The following STK38 variants were observed in gnomAD, a reference collection of about 807,000 sequenced individuals.
The protein encoded by STK38 is serine/threonine kinase 38, also known as serine/threonine-protein kinase 38.
STK38 carries 26 observed loss-of-function variants against 59.0 expected under a neutral mutation model. The observed-to-expected ratio is 0.44, with a 90% CI of 0.32 to 0.61. STK38 has a LOEUF of 0.61. STK38 is among the 20% of genes least tolerant of loss of function. The pLI is 0.04. For synonymous variants in STK38, 175 were observed against 176.6 expected (o/e 0.99, Z 0.07); for missense variants, 433 against 566.0 (o/e 0.76, Z 2.38).
intron 9 of STK38, among the ~76,000 whole-genome samples, chr6:36,503,105 C>G (rs770786368): frequency 5.9e-5 from 9 of 152,152 alleles, no homozygotes; most frequent in Non-Finnish European, 1.0e-4. Flanking sequence ...TCTCCAGGGC[C>G]TATGACTAGG....
At chr6:36,529,092 C>A (rs539483614) in intron 2 of STK38, among the ~76,000 whole-genome samples, 5 of 152,200 alleles carry the variant, frequency 3.3e-5, no homozygotes, top group Non-Finnish European at 7.4e-5. Flanking sequence ...GCAAGGACAG[C>A]CTGAAATGAG....
chr6:36,506,238 GGTATTT>G (rs1200891860), intron 9 of STK38, among the ~76,000 whole-genome samples: 1 of 151,994 alleles, frequency 6.6e-6, no homozygotes, highest in African/African-American at 2.4e-5. Flanking sequence ...ACTCTAAGTA[GGTATTT>G]GTACTTAGTT....
At position 36,495,732 on chromosome 6, in the gene STK38, CA is replaced by C; in HGVS notation, c.*51del. 1 of 1,609,062 alleles carries C rather than the reference CA, an allele frequency of 6.2e-7. No individual in the cohort carries two copies. Among genetic ancestry groups the C allele is most frequent in the Non-Finnish European group, 8.5e-7 (1 of 1,176,790 alleles). On this transcript the variant is annotated 3_prime_UTR_variant, in exon 14 of 14. Transcript: ENST00000229812. ...CTCTTCAAGAGTGTGAGAGGAAAAGCATGATGTTATACAAAGAACTCTGCTC... is the reference window on the plus strand; with the variant it reads ...CTCTTCAAGAGTGTGAGAGGAAAAGCTGATGTTATACAAAGAACTCTGCTC...
chr6:36,498,315 T>C, intron 11 of STK38, 48 bp downstream of exon 11: 2 of 1,578,992 alleles, frequency 1.3e-6, no homozygotes, highest in Non-Finnish European at 1.7e-6. Flanking sequence ...AATGGAATCA[T>C]TCATATTAAA....
chr6:36,495,462 T>C lies in STK38; in HGVS notation c.*322A>G, dbSNP rs986970674. On this transcript the variant is annotated 3_prime_UTR_variant, in exon 14 of 14. Coordinates refer to ENST00000229812, the MANE Select transcript of STK38 (RefSeq NM_007271.4). ...ACACGACAATCTCAATAATGTTGGA[T>C]GATGGCTGTTTTTCCCCTTCATTCT... 3.6e-6 allele frequency: 1 copy of C among 280,056 alleles called. No individual in the cohort carries two copies. Among genetic ancestry groups the C allele is most frequent in the African/African-American group, 2.2e-5 (1 of 45,856 alleles). The allele number at this position is 280,056 out of a possible 1,614,324, so 17.3% of individuals were successfully genotyped here.
rs540978886 is a variant in STK38 at position 36,500,501 on chromosome 6, C to A, written c.835-511G>T. ...ATCTGGCCGGGAGTGGTGGTTCACG[C>A]CTGTAATCCCAGCACTTTGAGAGGC... On this transcript the variant is annotated intron_variant, in intron 9 of 13. Coordinates refer to ENST00000229812, the MANE Select transcript of STK38 (RefSeq NM_007271.4). Among the ~76,000 whole-genome samples the A allele has an allele frequency of 3.3e-5, 5 of 152,126 alleles. No individual in the cohort carries two copies. The South Asian group carries it at 8.3e-4, about 25-fold the overall frequency.
At chr6:36,507,627 G>A (rs1776999665) in intron 7 of STK38, 25 bp from the exon 8 acceptor site, 1 of 1,548,342 alleles carries the variant, frequency 6.5e-7, no homozygotes, top group African/African-American at 1.4e-5. Context: ...CAAGGTGATA[G>A]ATGGATGAGT....
chr6:36,542,176 C>T (rs372963935), intron 1 of STK38, among the ~76,000 whole-genome samples: 6 of 152,124 alleles, frequency 3.9e-5, no homozygotes, highest in African/African-American at 1.4e-4. Context: ...ATACTGTTAC[C>T]AATAACTTTT....
chr6:36,545,581 T>A lies in STK38; in HGVS notation c.-6+1609A>T, dbSNP rs188331653. Among the ~76,000 whole-genome samples, 28 of 152,284 alleles carry A rather than the reference T, an allele frequency of 1.8e-4. No individual in the cohort carries two copies. In the East Asian group the frequency reaches 4.8e-3, roughly 26 times the overall value. ...ACTTCCTCTATTGTAATATAAAAAA[T>A]TTAGCCTAATTCTAATATCCTTTAA... On this transcript the variant is annotated intron_variant, in intron 1 of 13. Coordinates refer to ENST00000229812, the MANE Select transcript of STK38 (RefSeq NM_007271.4).
intron 2 of STK38, among the ~76,000 whole-genome samples, chr6:36,533,352 A>C (rs1777715296): frequency 6.6e-6 from 1 of 152,198 alleles, no homozygotes; most frequent in African/African-American, 2.4e-5. Flanking sequence ...TTTGATAAGC[A>C]ACCAAAAACA....
intron 2 of STK38, among the ~76,000 whole-genome samples, chr6:36,531,103 TA>T (rs2127485926): frequency 6.6e-6 from 1 of 152,350 alleles, no homozygotes; most frequent in Non-Finnish European, 1.5e-5. Flanking sequence ...GGTCTGGACT[TA>T]CTCATTCTTG....
chr6:36,496,002 C>A, intron 13 of STK38, 88 bp from the exon 14 acceptor site: 3 of 1,348,702 alleles, frequency 2.2e-6, no homozygotes, highest in Non-Finnish European at 3.1e-6. Context: ...ATGAAGAACA[C>A]ACCAGTTTCT....
intron 7 of STK38, among the ~76,000 whole-genome samples, chr6:36,510,482 C>A (rs1328113038): frequency 6.6e-6 from 1 of 152,166 alleles, no homozygotes; most frequent in Non-Finnish European, 1.5e-5. Flanking sequence ...TGTGGTTGGG[C>A]AACTGCAACT....
At chr6:36,521,311 T>C (rs1233770082) in intron 5 of STK38, among the ~76,000 whole-genome samples, 1 of 152,148 alleles carries the variant, frequency 6.6e-6, no homozygotes. Flanking sequence ...ATGAAGCATA[T>C]AAAGACACAT....
At chr6:36,524,980 A>G (rs1275810632) in intron 3 of STK38, among the ~76,000 whole-genome samples, 1 of 151,726 alleles carries the variant, frequency 6.6e-6, no homozygotes, top group Non-Finnish European at 1.5e-5. Context: ...ATTTTCTCCT[A>G]CTGTATCTGT....
chr6:36,541,705 T>C (rs974711420), intron 1 of STK38, among the ~76,000 whole-genome samples: 1 of 152,202 alleles, frequency 6.6e-6, no homozygotes, highest in African/African-American at 2.4e-5. Flanking sequence ...ATTTTCTTTA[T>C]GTGTTTACTG....
chr6:36,522,430 A>G (rs563677521), intron 4 of STK38: 12 of 152,430 alleles, frequency 7.9e-5, no homozygotes, highest in Non-Finnish European at 1.6e-4. Flanking sequence ...TCCCATGCCA[A>G]TCAGTAGTGA....
intron 1 of STK38, among the ~76,000 whole-genome samples, chr6:36,543,392 A>G (rs1324640695): frequency 6.6e-6 from 1 of 151,884 alleles, no homozygotes; most frequent in African/African-American, 2.4e-5. Flanking sequence ...TATTCTTACC[A>G]TTCCTACCTC....
intron 1 of STK38, among the ~76,000 whole-genome samples, chr6:36,541,437 C>T (rs1777934834): frequency 6.6e-6 from 1 of 152,046 alleles, no homozygotes; most frequent in Non-Finnish European, 1.5e-5. Flanking sequence ...CAATTCTTTG[C>T]CATCTAAAAA....
Sources: allele counts gnomAD v4.1 joint callset (sites outside exome capture counted in the v4.1 genomes callset), GRCh38; gene constraint gnomAD v4.1.1; transcripts MANE v1.5; gene names NCBI Gene and HGNC (gene_info 2026-07-23, HGNC 2026-07-21).